ADCY5: variants seen among roughly 807,000 people sequenced by gnomAD.
ADCY5 encodes adenylate cyclase 5.
A neutral mutation model predicts 119.7 loss-of-function variants in ADCY5; 30 were observed. That is an observed-to-expected ratio of 0.25 (90% CI 0.19 to 0.34). The LOEUF is 0.34. ADCY5 is among the 10% of genes least tolerant of loss of function. The probability of loss-of-function intolerance (pLI) is 1.00; values close to 1 mark genes in which losing one functional copy is unlikely to be tolerated. For synonymous variants in ADCY5, 753 were observed against 762.2 expected (o/e 0.99, Z 0.20); for missense variants, 1,324 against 1,775.2 (o/e 0.75, Z 4.57).
At chr3:123,411,976 A>G (rs1945062236) in intron 1 of ADCY5, among the ~76,000 whole-genome samples, 1 of 152,194 alleles carries the variant, frequency 6.6e-6, no homozygotes, top group Admixed American at 6.5e-5. Context: ...CACCTTTGGA[A>G]CATGCCCTCT....
intron 1 of ADCY5, among the ~76,000 whole-genome samples, chr3:123,392,255 CT>C (rs1278057548): frequency 6.6e-6 from 1 of 152,152 alleles, no homozygotes; most frequent in African/African-American, 2.4e-5. Flanking sequence ...CTCCTTTATA[CT>C]TTTTTAACTT....
chr3:123,309,567 C>T (rs1224456015), intron 12 of ADCY5, among the ~76,000 whole-genome samples: 2 of 152,182 alleles, frequency 1.3e-5, no homozygotes, highest in African/African-American at 4.8e-5. Context: ...AAAGCAGACT[C>T]AATAAAAGCT....
chr3:123,315,597 A>T (rs755579010), intron 11 of ADCY5, among the ~76,000 whole-genome samples: 16 of 151,776 alleles, frequency 1.1e-4, no homozygotes, highest in Non-Finnish European at 2.1e-4. Flanking sequence ...TTTTTTTGAG[A>T]CAGAGTCTCG....
intron 1 of ADCY5, among the ~76,000 whole-genome samples, chr3:123,438,696 T>G (rs1945669000): frequency 6.6e-6 from 1 of 152,218 alleles, no homozygotes; most frequent in Non-Finnish European, 1.5e-5. Context: ...AGCGTAGTGA[T>G]GCTGGCAGTT....
chr3:123,318,084 A>T lies in ADCY5; in HGVS notation c.2290T>A (p.Tyr764Asn), dbSNP rs958985277. Residue 764 changes from tyrosine to asparagine, a missense_variant, in exon 11 of 21, where the codon TAT becomes AAT. Physicochemically the swap from Tyr to Asn is moderately radical, Grantham distance 143 (BLOSUM62 -2). Around this residue, in one of 6 missense-constraint regions of ADCY5, gnomAD observed 424 missense variants for 546.8 expected, o/e 0.78. Transcript: ENST00000462833. ...AAGACGAGCGAGGCACACGCCACATAGGCACCAAATCGGTCGTCTACCTGC... is the reference window on the plus strand; with the variant it reads ...AAGACGAGCGAGGCACACGCCACATTGGCACCAAATCGGTCGTCTACCTGC... ...SKQVDDRFGAYVACASLVFLF... is the reference protein window; with the variant it reads ...SKQVDDRFGANVACASLVFLF... 6 of 1,613,740 alleles carry T rather than the reference A, an allele frequency of 3.7e-6. No homozygotes were observed. The highest frequency in any genetic ancestry group is 4.2e-6 in the Non-Finnish European group (5 of 1,179,926).
intron 1 of ADCY5, among the ~76,000 whole-genome samples, chr3:123,371,098 A>T (rs1943624325): frequency 6.6e-6 from 1 of 152,182 alleles, no homozygotes; most frequent in Non-Finnish European, 1.5e-5. Flanking sequence ...GCACGGTAAC[A>T]AACAGCGGCC....
chr3:123,448,164 TGCTGCCCCC>T lies in ADCY5; in HGVS notation c.373_381del (p.Gly125_Ser127del), dbSNP rs1295295287. The T allele has an allele frequency of 9.0e-7, 1 of 1,106,392 alleles. No homozygotes were observed. Among genetic ancestry groups the T allele is most frequent in the Non-Finnish European group, 1.1e-6 (1 of 910,590 alleles). The allele number at this position is 1,106,392 out of a possible 1,614,324, so 68.5% of individuals were successfully genotyped here. A position where few individuals can be genotyped will look rare whatever the true frequency, so the allele number is the denominator to read the frequency against. ...CCGCCGCCCGCAGGGGGCGCCCGGG[TGCTGCCCCC>T]GCTGGCCGCGCCCCGCCGCTGCCGG... On this transcript the variant is annotated inframe_deletion, in exon 1 of 21. Transcript: ENST00000462833.
intron 12 of ADCY5, among the ~76,000 whole-genome samples, chr3:123,306,430 T>G (rs966258630): frequency 6.6e-6 from 1 of 152,188 alleles, no homozygotes; most frequent in African/African-American, 2.4e-5. Context: ...AGAACTCTTA[T>G]GGGAAAACAT....
chr3:123,410,885 T>A (rs1444087718), intron 1 of ADCY5, among the ~76,000 whole-genome samples: 2 of 152,166 alleles, frequency 1.3e-5, no homozygotes, highest in Admixed American at 6.5e-5. Context: ...TGGCCTCAAG[T>A]GATCCTTCTG....
intron 1 of ADCY5, among the ~76,000 whole-genome samples, chr3:123,420,920 T>C (rs1576685656): frequency 6.6e-6 from 1 of 152,170 alleles, no homozygotes; most frequent in African/African-American, 2.4e-5. Context: ...TAGCCTCAGG[T>C]GTTCCTTGGC....
At chr3:123,323,657 CTTATTT>C (rs763254663) in intron 8 of ADCY5, among the ~76,000 whole-genome samples, 4 of 151,852 alleles carry the variant, frequency 2.6e-5, no homozygotes, top group Admixed American at 6.6e-5. Context: ...CCCTTTCTCC[CTTATTT>C]TTATTTTTAT....
At chr3:123,365,699 G>A (rs1482455484) in intron 1 of ADCY5, among the ~76,000 whole-genome samples, 1 of 152,176 alleles carries the variant, frequency 6.6e-6, no homozygotes, top group Non-Finnish European at 1.5e-5. Flanking sequence ...TGTGGAAGAG[G>A]CTGAAAAGAG....
chr3:123,354,532 C>T (rs1259367380), intron 1 of ADCY5, among the ~76,000 whole-genome samples: 1 of 152,106 alleles, frequency 6.6e-6, no homozygotes, highest in Non-Finnish European at 1.5e-5. Context: ...TGGGAAGTCA[C>T]TGGGAACCAC....
rs747775687 is a variant in ADCY5 at position 123,416,188 on chromosome 3, C to T, written c.1134+31224G>A. 39 of 1,535,976 alleles carry T rather than the reference C, an allele frequency of 2.5e-5. 1 individual carries two copies. The highest frequency in any genetic ancestry group is 3.0e-5 in the Non-Finnish European group (34 of 1,146,906). The stretch of plus-strand genomic sequence containing the variant: ...TGAGGTGGCCATGACACTCACCCTC[C>T]GTGGGGCCCATTCTCCTCCAGGACC... On this transcript the variant is annotated intron_variant, in intron 1 of 20. Transcript: ENST00000462833.
chr3:123,442,728 C>T (rs1405341634), intron 1 of ADCY5, among the ~76,000 whole-genome samples: 1 of 152,174 alleles, frequency 6.6e-6, no homozygotes, highest in South Asian at 2.1e-4. Flanking sequence ...CTGAAGTCCT[C>T]CCCCAGGGAT....
At chr3:123,372,626 C>T (rs1302790651) in intron 1 of ADCY5, among the ~76,000 whole-genome samples, 1 of 152,166 alleles carries the variant, frequency 6.6e-6, no homozygotes, top group East Asian at 1.9e-4. Context: ...CACATGCCTG[C>T]CTCCCACCCC....
chr3:123,383,845 T>C (rs1345557958), intron 1 of ADCY5, among the ~76,000 whole-genome samples: 3 of 140,572 alleles, frequency 2.1e-5, no homozygotes, highest in Non-Finnish European at 4.7e-5. Flanking sequence ...CACACACACT[T>C]CCTCAAGGCA....
rs546386374 is a variant in ADCY5, at chr3:123,396,815, CAG to C, written c.1135-44236_1135-44235del. Among the ~76,000 whole-genome samples, 310 of 49,232 alleles carry C rather than the reference CAG, an allele frequency of 6.3e-3. 3 individuals carry two copies. Among genetic ancestry groups the C allele is most frequent in the African/African-American group, 0.022 (287 of 13,160 alleles). 32.3% of individuals were successfully genotyped at this position (49,232 alleles called of 152,430 possible). A position where few individuals can be genotyped will look rare whatever the true frequency, so the allele number is the denominator to read the frequency against. Reference sequence around the variant, plus strand: ...GCAGGCAGGCAGGCAGGCAGGCAGGCAGGCGAGAGAGAGAGAGAGAGAGAGAG... The same window carrying C: ...GCAGGCAGGCAGGCAGGCAGGCAGGCGCGAGAGAGAGAGAGAGAGAGAGAG... On this transcript the variant is annotated intron_variant, in intron 1 of 20. Coordinates refer to ENST00000462833, the MANE Select transcript of ADCY5 (RefSeq NM_183357.3).
intron 5 of ADCY5, 143 bp from the exon 6 acceptor site, chr3:123,328,945 G>A (rs942938984): frequency 3.2e-6 from 3 of 925,264 alleles, no homozygotes; most frequent in South Asian, 1.8e-5. Context: ...GTCCAAGAAC[G>A]TTCAGCCTGA....
Sources: gnomAD v4.1 joint callset for allele counts (sites outside exome capture counted in the v4.1 genomes callset) on GRCh38, gnomAD v4.1.1 for gene constraint, gnomAD v4.1.1 regional missense constraint, MANE v1.5 for transcripts, NCBI Gene and HGNC (gene_info 2026-07-23, HGNC 2026-07-21) for gene names.